The following UGT1A8 variants were observed in gnomAD, a reference collection of about 807,000 sequenced individuals.
UGT1A8 encodes the protein UDP-glucuronosyltransferase 1A8.
Under a neutral mutation model 45.3 loss-of-function variants are expected in UGT1A8, and 39 were observed. That is an observed-to-expected ratio of 0.86 (90% CI 0.67 to 1.12). UGT1A8 has a LOEUF of 1.12. Among genes scored for constraint, UGT1A8 ranks in the 50% most tolerant of loss-of-function variants. UGT1A8 has a pLI of 0.00. For missense variants in UGT1A8, 719 were observed against 664.9 expected (o/e 1.08, Z -0.90); for synonymous variants, 275 against 249.2 (o/e 1.10, Z -0.97).
At position 233,668,325 on chromosome 2, in the gene UGT1A8, G is replaced by A. The variant is rs931109415; in HGVS notation, c.855+49763G>A. 9.9e-5 allele frequency among the ~76,000 whole-genome samples: 15 copies of A among 152,190 alleles called. No individual in the cohort carries two copies. In the East Asian group the frequency reaches 2.5e-3, roughly 26 times the overall value. The stretch of plus-strand genomic sequence containing the variant: ...GCAATGTTTGGTTTTCCGTCCTTGC[G>A]ATAGTTTGCTCAGAATGATGGTTTC... On this transcript the variant is annotated intron_variant, in intron 1 of 4. Coordinates refer to ENST00000373450, the MANE Select transcript of UGT1A8 (RefSeq NM_019076.5).
chr2:233,707,414 C>T (rs1356640381), intron 1 of UGT1A8, among the ~76,000 whole-genome samples: 2 of 152,084 alleles, frequency 1.3e-5, no homozygotes, highest in Non-Finnish European at 2.9e-5. Context: ...CTCTCTCCCT[C>T]GACTATTTCT....
At chr2:233,710,852 T>A (rs1299633066) in intron 1 of UGT1A8, among the ~76,000 whole-genome samples, 1 of 152,250 alleles carries the variant, frequency 6.6e-6, no homozygotes, top group East Asian at 1.9e-4. Context: ...AGGATTTGTT[T>A]CTATGTTTTT....
chr2:233,754,801 A>T, intron 1 of UGT1A8: 1 of 1,269,324 alleles, frequency 7.9e-7, no homozygotes, highest in Non-Finnish European at 1.1e-6. Flanking sequence ...CCTGTATCAA[A>T]AGAAGAAAAA....
chr2:233,732,744 C>T (rs1207999893), intron 1 of UGT1A8, among the ~76,000 whole-genome samples: 2 of 150,716 alleles, frequency 1.3e-5, no homozygotes, highest in Non-Finnish European at 2.9e-5. Context: ...TAGCATGATG[C>T]CACCAGCTTT....
intron 1 of UGT1A8, among the ~76,000 whole-genome samples, chr2:233,645,093 T>TA (rs1178538471): frequency 6.6e-6 from 1 of 152,174 alleles, no homozygotes; most frequent in Non-Finnish European, 1.5e-5. Context: ...AAAAGAACTT[T>TA]AAAAAACAAT....
intron 1 of UGT1A8, among the ~76,000 whole-genome samples, chr2:233,709,193 A>G (rs1200077395): frequency 1.3e-5 from 2 of 152,156 alleles, no homozygotes; most frequent in Non-Finnish European, 2.9e-5. Context: ...CTGGGAGTGG[A>G]TCCTCACCAG....
chr2:233,711,532 G>T (rs1296354324), intron 1 of UGT1A8, among the ~76,000 whole-genome samples: 2 of 152,124 alleles, frequency 1.3e-5, no homozygotes, highest in African/African-American at 4.8e-5. Flanking sequence ...ACAACTCCCC[G>T]GGAATCATCC....
At chr2:233,743,500 G>A (rs1692320466) in intron 1 of UGT1A8, 2 of 1,367,072 alleles carry the variant, frequency 1.5e-6, no homozygotes. Flanking sequence ...AGAGAAAAGG[G>A]GTGCAGACGC....
At chr2:233,664,494 C>T (rs1170943841) in intron 1 of UGT1A8, among the ~76,000 whole-genome samples, 2 of 152,168 alleles carry the variant, frequency 1.3e-5, no homozygotes, top group Admixed American at 1.3e-4. Flanking sequence ...CAAGATTTTG[C>T]AGGCTGTACA....
intron 1 of UGT1A8, among the ~76,000 whole-genome samples, chr2:233,706,826 G>A (rs1466880885): frequency 6.6e-6 from 1 of 152,170 alleles, no homozygotes; most frequent in African/African-American, 2.4e-5. Context: ...CCCAGGGCAG[G>A]ACTCTAAACA....
rs781679584 is a variant in UGT1A8 at position 233,729,361 on chromosome 2, A to T, written c.856-37673A>T. ...AGAAGAGAACTTTTTCACCCTGACA[A>T]CCTATGCCATTTCGTGGACCCAGGA... On this transcript the variant is annotated intron_variant, in intron 1 of 4. Transcript: ENST00000373450. 4 of 1,613,978 alleles carry T rather than the reference A, an allele frequency of 2.5e-6. No individual in the cohort carries two copies. The Admixed American group carries it at 5.0e-5, about 20-fold the overall frequency.
intron 2 of UGT1A8, 69 bp from the exon 3 acceptor site, chr2:233,767,780 G>C: frequency 1.2e-6 from 2 of 1,613,138 alleles, no homozygotes; most frequent in Non-Finnish European, 1.7e-6. Flanking sequence ...TTTCTAGTTA[G>C]TATAGCAGAT....
At chr2:233,670,522 A>G (rs999766820) in intron 1 of UGT1A8, among the ~76,000 whole-genome samples, 3 of 152,184 alleles carry the variant, frequency 2.0e-5, no homozygotes, top group Non-Finnish European at 4.4e-5. Context: ...GCCTTTGCCA[A>G]ACTGTTTAAT....
At chr2:233,707,141 G>A (rs1346403880) in intron 1 of UGT1A8, among the ~76,000 whole-genome samples, 2 of 152,124 alleles carry the variant, frequency 1.3e-5, no homozygotes, top group Admixed American at 1.3e-4. Context: ...TATCCCGGAG[G>A]TCACTGCAGT....
At chr2:233,760,178 T>C in intron 1 of UGT1A8, 1 of 1,545,848 alleles carries the variant, frequency 6.5e-7, no homozygotes, top group Non-Finnish European at 8.7e-7. Flanking sequence ...CTGACAGCTT[T>C]TTATAGTCAC....
intron 1 of UGT1A8, among the ~76,000 whole-genome samples, chr2:233,625,881 A>G (rs1051658668): frequency 6.6e-6 from 1 of 151,994 alleles, no homozygotes. Context: ...AAACATCAGC[A>G]TCACACAATA....
At chr2:233,728,368 C>G (rs1168371708) in intron 1 of UGT1A8, among the ~76,000 whole-genome samples, 11 of 152,282 alleles carry the variant, frequency 7.2e-5, no homozygotes, top group African/African-American at 2.2e-4. Context: ...CTGAACCCAC[C>G]ATGGGTCTTT....
chr2:233,713,763 C>T (rs145951104), intron 1 of UGT1A8: 46 of 1,613,764 alleles, frequency 2.9e-5, no homozygotes, highest in Admixed American at 1.5e-4. Context: ...GTGGCTGTTC[C>T]GAGGGGACTT....
chr2:233,726,367 A>C (rs994250212), intron 1 of UGT1A8, among the ~76,000 whole-genome samples: 1 of 152,216 alleles, frequency 6.6e-6, no homozygotes, highest in Non-Finnish European at 1.5e-5. Flanking sequence ...AAACACAACA[A>C]AAACCAAAAT....
Sources: allele counts gnomAD v4.1 joint callset (sites outside exome capture counted in the v4.1 genomes callset), GRCh38; gene constraint gnomAD v4.1.1; transcripts MANE v1.5; gene names NCBI Gene and HGNC (gene_info 2026-07-23, HGNC 2026-07-21).